CAVIN4: variants seen among roughly 807,000 people sequenced by gnomAD.
CAVIN4 encodes caveolae associated protein 4, also known as caveolae-associated protein 4.
Under a neutral mutation model 18.6 loss-of-function variants are expected in CAVIN4, and 10 were observed. That is an observed-to-expected ratio of 0.54 (90% CI 0.33 to 0.91). The LOEUF (loss-of-function observed/expected upper bound fraction) is 0.91, where lower values mean the gene tolerates loss of function less well. Among genes scored for constraint, CAVIN4 ranks in the 40% least tolerant of loss-of-function variants. The probability of loss-of-function intolerance (pLI) is 0.02; values close to 1 mark genes in which losing one functional copy is unlikely to be tolerated. For missense variants in CAVIN4, 459 were observed against 440.5 expected (o/e 1.04, Z -0.38); for synonymous variants, 173 against 164.8 (o/e 1.05, Z -0.38).
intron 1 of CAVIN4, among the ~76,000 whole-genome samples, chr9:100,584,135 T>G (rs1341170753): frequency 1.3e-5 from 2 of 152,194 alleles, no homozygotes; most frequent in African/African-American, 4.8e-5. Flanking sequence ...TACACAGCCT[T>G]CAGGTCTAGG....
At position 100,586,325 on chromosome 9, in the gene CAVIN4, G is replaced by A; in HGVS notation, c.969G>A (p.Arg323=). 2 of 1,614,020 alleles carry A rather than the reference G, an allele frequency of 1.2e-6. No individual in the cohort carries two copies. The highest frequency in any genetic ancestry group is 1.7e-6 in the Non-Finnish European group (2 of 1,179,974). ...ELSEPEHEAA[R]PVYPPHEGRE... is the part of the protein sequence containing the mutation. ...GTGAACCAGAACACGAGGCAGCCAG[G>A]CCGGTGTATCCTCCCCATGAAGGAA... The change falls in exon 2 of 2, where the codon AGG becomes AGA. Residue 323 remains arginine (R), a synonymous_variant. Transcript: ENST00000307584.
chr9:100,586,266 G>C lies in CAVIN4; in HGVS notation c.910G>C (p.Gly304Arg), dbSNP rs757191826. 2.1e-5 allele frequency: 34 copies of C among 1,590,992 alleles called. No individual in the cohort carries two copies. Among genetic ancestry groups the C allele is most frequent in the Non-Finnish European group, 2.7e-5 (31 of 1,167,370 alleles). Residue 304 changes from glycine to arginine, a missense_variant, in exon 2 of 2, where the codon GGC (glycine) becomes CGC (arginine). By Grantham distance (125) the Gly-to-Arg change is moderately radical. Coordinates refer to ENST00000307584, the MANE Select transcript of CAVIN4 (RefSeq NM_001018116.2). ...VDIIARSESL[G>R]PISELYSDEL... ...CATCATTGCCAGGAGCGAGTCTCTGGGCCCCATCAGTGAGCTCTACTCTGA... is the reference window on the plus strand; with the variant it reads ...CATCATTGCCAGGAGCGAGTCTCTGCGCCCCATCAGTGAGCTCTACTCTGA...
chr9:100,578,247 CTG>C lies in CAVIN4; in HGVS notation c.107_108del (p.Val36AlafsTer35). 3 of 1,613,970 alleles carry C rather than the reference CTG, an allele frequency of 1.9e-6. No individual in the cohort carries two copies. Among genetic ancestry groups the C allele is most frequent in the Non-Finnish European group, 2.5e-6 (3 of 1,179,894 alleles). Reference sequence around the variant, plus strand: ...CAAGACGCTGCTCTTACCATTGTGACTGTGCTGGACAAAGTAGCCTCCATCGT... The same window carrying C: ...CAAGACGCTGCTCTTACCATTGTGACTGCTGGACAAAGTAGCCTCCATCGT... On this transcript the variant is annotated frameshift_variant, in exon 1 of 2. Coordinates refer to ENST00000307584, the MANE Select transcript of CAVIN4 (RefSeq NM_001018116.2). LOFTEE classifies it high-confidence loss of function.
Position 100,585,793 on chromosome 9 carries a change from CTGT to C in CAVIN4, c.442_444del (p.Val148del), listed in dbSNP as rs1382705847. The C allele has an allele frequency of 3.1e-6, 5 of 1,613,932 alleles. No individual in the cohort carries two copies. The highest frequency in any genetic ancestry group is 4.2e-6 in the Non-Finnish European group (5 of 1,180,012). ...AAGTTTCGGTGTCCGACATCCCTGTCTGTTGTTAAAGACAGAAACCTAACTGAG... is the reference window on the plus strand; with the variant it reads ...AAGTTTCGGTGTCCGACATCCCTGTCTGTTAAAGACAGAAACCTAACTGAG... On this transcript the variant is annotated inframe_deletion, in exon 2 of 2. Transcript: ENST00000307584.
upstream of CAVIN4, chr9:100,578,005 T>C (rs1839383017): frequency 1.3e-6 from 1 of 742,232 alleles, no homozygotes; most frequent in South Asian, 1.7e-5. Flanking sequence ...GTATTTGTAG[T>C]TATAAATACT....
intron 1 of CAVIN4, among the ~76,000 whole-genome samples, chr9:100,584,878 C>T (rs748765326): frequency 1.3e-5 from 2 of 152,124 alleles, no homozygotes; most frequent in Non-Finnish European, 2.9e-5. Context: ...CCAGAAATCA[C>T]ATATACATAG....
Position 100,579,459 on chromosome 9 carries a change from T to C in CAVIN4, c.408+908T>C, listed in dbSNP as rs374834894. 2.4e-4 allele frequency among the ~76,000 whole-genome samples: 37 copies of C among 152,336 alleles called. No homozygotes were observed. In the East Asian group the frequency reaches 3.3e-3, roughly 13 times the overall value. Reference sequence around the variant, plus strand: ...ATTTCACCTATTTAAATGTTGGCAGTTATTAAAACCTATACCCAGAGGTTA... The same window carrying C: ...ATTTCACCTATTTAAATGTTGGCAGCTATTAAAACCTATACCCAGAGGTTA... On this transcript the variant is annotated intron_variant, in intron 1 of 1. Transcript: ENST00000307584.
At chr9:100,583,616 TATTCATTCATTC>T (rs143666288) in intron 1 of CAVIN4, among the ~76,000 whole-genome samples, 6,745 of 141,938 alleles carry the variant, frequency 0.048, 313 homozygotes, top group South Asian at 0.21. Context: ...GCAAGCCATT[TATTCATTCATTC>T]ATTCATTCAT....
rs924682614 is a variant in CAVIN4, at chr9:100,587,210, T to C, written c.*759T>C. ...AGAAGCCTTTTCACAGAATCAAGAGTGAAAAATAAGTAAATGTTTGGGTGA... is the reference window on the plus strand; with the variant it reads ...AGAAGCCTTTTCACAGAATCAAGAGCGAAAAATAAGTAAATGTTTGGGTGA... On this transcript the variant is annotated 3_prime_UTR_variant, in exon 2 of 2. Coordinates refer to ENST00000307584, the MANE Select transcript of CAVIN4 (RefSeq NM_001018116.2). 1.3e-5 allele frequency: 2 copies of C among 151,938 alleles called. No homozygotes were observed. The highest frequency in any genetic ancestry group is 2.9e-5 in the Non-Finnish European group (2 of 67,994). The allele number at this position is 151,938 out of a possible 1,614,324, so 9.4% of individuals were successfully genotyped here.
rs564450646 is a variant in CAVIN4 at position 100,581,014 on chromosome 9, G to A, written c.408+2463G>A. On this transcript the variant is annotated intron_variant, in intron 1 of 1. Transcript: ENST00000307584. ...TCTGCTAAAATTAACTTGAAACCAAGCAATTCAGCCATAGTAAAAATTACC... is the reference window on the plus strand; with the variant it reads ...TCTGCTAAAATTAACTTGAAACCAAACAATTCAGCCATAGTAAAAATTACC... The A allele has an allele frequency of 3.9e-5, 6 of 152,236 alleles. No homozygotes were observed. The East Asian group carries it at 7.7e-4, about 20-fold the overall frequency. The allele number at this position is 152,236 out of a possible 1,614,324, so 9.4% of individuals were successfully genotyped here.
intron 1 of CAVIN4, among the ~76,000 whole-genome samples, chr9:100,580,350 C>G (rs1236813): frequency 0.37 from 56,610 of 151,876 alleles, 11,120 homozygotes; most frequent in Admixed American, 0.45. Flanking sequence ...GAGGCCAGTT[C>G]CAGTGTTAGT....
chr9:100,578,996 C>G (rs1270667474), intron 1 of CAVIN4, among the ~76,000 whole-genome samples: 1 of 152,052 alleles, frequency 6.6e-6, no homozygotes, highest in East Asian at 1.9e-4. Context: ...ATATGGAGAG[C>G]CTGGAAAGGC....
intron 1 of CAVIN4, among the ~76,000 whole-genome samples, chr9:100,584,698 A>G (rs1020104830): frequency 2.0e-5 from 3 of 152,248 alleles, no homozygotes; most frequent in Non-Finnish European, 4.4e-5. Context: ...TTACAAAGCC[A>G]AAAAGAGGTG....
At chr9:100,577,795 C>G (rs764212165), upstream of CAVIN4, among the ~76,000 whole-genome samples, 1 of 152,090 alleles carries the variant, frequency 6.6e-6, no homozygotes, top group African/African-American at 2.4e-5. Flanking sequence ...AAGCTTTACC[C>G]AACATTTGGA....
chr9:100,581,570 G>A (rs2780958), intron 1 of CAVIN4, among the ~76,000 whole-genome samples: 79,616 of 151,984 alleles, frequency 0.52, 21,375 homozygotes, highest in South Asian at 0.62. Context: ...AGCTCATGAT[G>A]TCGCTGTCTC....
chr9:100,585,662 G>GAT lies in CAVIN4; in HGVS notation c.409-101_409-100dup, dbSNP rs750800873. 137 of 883,948 alleles carry GAT rather than the reference G, an allele frequency of 1.5e-4. 1 individual carries two copies. The highest frequency in any genetic ancestry group is 2.2e-5 in the Non-Finnish European group (12 of 544,292). The allele number at this position is 883,948 out of a possible 1,614,324, so 54.8% of individuals were successfully genotyped here. ...GGTAACATTTAAGGAGCAGGCAGAG[G>GAT]ATAAACAGCCCATGGAGATTTACAA... On this transcript the variant is annotated intron_variant, in intron 1 of 1. Coordinates refer to ENST00000307584, the MANE Select transcript of CAVIN4 (RefSeq NM_001018116.2).
chr9:100,581,545 A>G (rs1564033181), intron 1 of CAVIN4, among the ~76,000 whole-genome samples: 1 of 152,250 alleles, frequency 6.6e-6, no homozygotes, highest in Non-Finnish European at 1.5e-5. Context: ...TTATTATAAC[A>G]GTCTATTCAC....
At position 100,585,983 on chromosome 9, in the gene CAVIN4, G is replaced by C; in HGVS notation, c.627G>C (p.Lys209Asn). 6.2e-7 allele frequency: 1 copy of C among 1,614,146 alleles called. No homozygotes were observed. Among genetic ancestry groups the C allele is most frequent in the Middle Eastern group, 1.6e-4 (1 of 6,062 alleles). ...CATTTTCCAAAGAAAACATGCAGAA[G>C]ACACGGCAGAATCTTGACAAGAAAG... ...KKAFSKENMQ[K>N]TRQNLDKKVN... Residue 209 changes from lysine (K) to asparagine (N), a missense_variant, in exon 2 of 2, where the codon AAG (lysine) becomes AAC (asparagine). By Grantham distance (94) the Lys-to-Asn change is moderately conservative. Transcript: ENST00000307584.
At chr9:100,584,446 GTA>G (rs1384536671) in intron 1 of CAVIN4, among the ~76,000 whole-genome samples, 2 of 152,242 alleles carry the variant, frequency 1.3e-5, no homozygotes, top group Admixed American at 6.5e-5. Context: ...CATTTATTGA[GTA>G]TGCCTACTAT....
Sources: allele counts gnomAD v4.1 joint callset (sites outside exome capture counted in the v4.1 genomes callset), GRCh38; gene constraint gnomAD v4.1.1; transcripts MANE v1.5; gene names NCBI Gene and HGNC (gene_info 2026-07-23, HGNC 2026-07-21).